Variants in SLC19A3 observed in about 807,000 individuals in gnomAD.
SLC19A3 encodes the protein thiamine transporter 2.
SLC19A3 carries 31 observed loss-of-function variants against 40.2 expected under a neutral mutation model. The ratio of observed to expected loss-of-function variants is 0.77; its 90% CI spans 0.58 to 1.04. The LOEUF (loss-of-function observed/expected upper bound fraction) is 1.04, where lower values mean the gene tolerates loss of function less well. SLC19A3 is among the 50% of genes least tolerant of loss of function. SLC19A3 has a pLI of 0.00. For synonymous variants in SLC19A3, 212 were observed against 227.5 expected, an observed-to-expected ratio of 0.93 and a Z score of 0.61; for missense variants, 592 against 596.7, an observed-to-expected ratio of 0.99 and a Z score of 0.08.
chr2:227,696,972 G>A (rs1398607389), intron 3 of SLC19A3, among the ~76,000 whole-genome samples: 2 of 152,120 alleles, frequency 1.3e-5, no homozygotes, highest in Non-Finnish European at 2.9e-5. Context: ...GGCTGAGGCA[G>A]GAGAATCACT....
chr2:227,695,677 T>C, intron 4 of SLC19A3: 2 of 576,246 alleles, frequency 3.5e-6, no homozygotes. Flanking sequence ...CTACAGAGTT[T>C]TTTCCCTTGA....
intron 4 of SLC19A3, among the ~76,000 whole-genome samples, chr2:227,695,300 C>T (rs1695382128): frequency 6.6e-6 from 1 of 152,038 alleles, no homozygotes; most frequent in Non-Finnish European, 1.5e-5. Context: ...TGGAAATAAA[C>T]AAATCAAATC....
intron 1 of SLC19A3, among the ~76,000 whole-genome samples, chr2:227,705,755 T>C (rs1231712975): frequency 6.6e-6 from 1 of 152,092 alleles, no homozygotes; most frequent in Non-Finnish European, 1.5e-5. Flanking sequence ...GGCTAATGGA[T>C]GCTTGGCTTA....
chr2:227,713,613 G>A (rs963655181), intron 1 of SLC19A3, among the ~76,000 whole-genome samples: 13 of 151,938 alleles, frequency 8.6e-5, no homozygotes, highest in African/African-American at 2.9e-4. Flanking sequence ...TGATACCTGC[G>A]CCACCTTGGG....
chr2:227,695,763 A>T, intron 4 of SLC19A3, 126 bp downstream of exon 4: 1 of 910,590 alleles, frequency 1.1e-6, no homozygotes, highest in Non-Finnish European at 1.7e-6. Context: ...TGTCTAATTT[A>T]ATATAAAGCA....
At chr2:227,695,380 A>T (rs535115962) in intron 4 of SLC19A3, 12 of 158,722 alleles carry the variant, frequency 7.6e-5, no homozygotes, top group Non-Finnish European at 1.4e-4. Flanking sequence ...GGGCAGGTGG[A>T]TCGCTTGAGC....
At chr2:227,713,177 G>T (rs1391128077) in intron 1 of SLC19A3, among the ~76,000 whole-genome samples, 2 of 152,118 alleles carry the variant, frequency 1.3e-5, no homozygotes, top group African/African-American at 4.8e-5. Flanking sequence ...GGCTGAGGCA[G>T]GATTGCTTGA....
At chr2:227,710,645 C>T (rs994637195) in intron 1 of SLC19A3, among the ~76,000 whole-genome samples, 10 of 152,230 alleles carry the variant, frequency 6.6e-5, no homozygotes, top group African/African-American at 2.4e-4. Context: ...TCTTCAGCTC[C>T]TTCCCCCCCA....
In SLC19A3 at chr2:227,717,456, A is replaced by G. The variant is rs1019319781; in HGVS notation, c.-3+487T>C. ...TGATGACTTAGGTATCCTTTCCAGCAGTGTTTTTGTAAGGTGTAGTTGCGT... is the reference window on the plus strand; with the variant it reads ...TGATGACTTAGGTATCCTTTCCAGCGGTGTTTTTGTAAGGTGTAGTTGCGT... On this transcript the variant is annotated intron_variant, in intron 1 of 5. Transcript: ENST00000644224. Among the ~76,000 whole-genome samples the G allele has an allele frequency of 3.9e-5, 6 of 152,316 alleles. No individual in the cohort carries two copies. In the South Asian group the frequency reaches 1.2e-3, roughly 32 times the overall value.
rs376305641 is a variant in SLC19A3 at position 227,696,037 on chromosome 2, C to T, written c.1024G>A (p.Asp342Asn). Reference sequence around the variant, plus strand: ...ACCAGAGCCAGCTCTCCCAGAAGGTCCCAGTTGACTTTCACATAACCCACT... The same window carrying T: ...ACCAGAGCCAGCTCTCCCAGAAGGTTCCAGTTGACTTTCACATAACCCACT... ...FAVGYVKVNW[D>N]LLGELALVVF... The change falls in exon 4 of 6, where the codon GAC becomes AAC. Residue 342 changes from aspartate to asparagine, a missense_variant. By Grantham distance (23) the Asp-to-Asn change is conservative. Coordinates refer to ENST00000644224, the MANE Select transcript of SLC19A3 (RefSeq NM_025243.4). 5.6e-6 allele frequency: 9 copies of T among 1,614,068 alleles called. No homozygotes were observed. The African/African-American group carries it at 1.2e-4, about 22-fold the overall frequency.
rs138363524 is a variant in SLC19A3 at position 227,699,316 on chromosome 2, G to C, written c.399C>G (p.Pro133=). Residue 133 remains proline, a synonymous_variant, in exon 3 of 6, where the codon CCC becomes CCG. Coordinates refer to ENST00000644224, the MANE Select transcript of SLC19A3 (RefSeq NM_025243.4). ...YYAYIYSVVS[P]EHYQRVSGYC... is the part of the protein sequence containing the mutation. ...AGCCGCTCACTCTCTGGTAGTGCTC[G>C]GGGCTGACCACGCTGTATATGTAGG... The C allele has an allele frequency of 7.5e-4, 1,217 of 1,614,040 alleles. No individual in the cohort carries two copies. Among genetic ancestry groups the C allele is most frequent in the Non-Finnish European group, 9.6e-4 (1,127 of 1,180,034 alleles).
Position 227,688,794 on chromosome 2 carries a change from A to G in SLC19A3, c.1173-487T>C, listed in dbSNP as rs1049552237. 2.6e-5 allele frequency among the ~76,000 whole-genome samples: 4 copies of G among 152,178 alleles called. No homozygotes were observed. The South Asian group carries it at 8.3e-4, about 32-fold the overall frequency. On this transcript the variant is annotated intron_variant, in intron 4 of 5. Coordinates refer to ENST00000644224, the MANE Select transcript of SLC19A3 (RefSeq NM_025243.4). Reference sequence around the variant, plus strand: ...AAACAAACTAAATAAGGCACCAGGGACCAATCCTGGAGAAACATATACGAC... The same window carrying G: ...AAACAAACTAAATAAGGCACCAGGGGCCAATCCTGGAGAAACATATACGAC...
intron 4 of SLC19A3, among the ~76,000 whole-genome samples, chr2:227,688,530 A>G (rs1695106585): frequency 6.6e-6 from 1 of 152,100 alleles, no homozygotes; most frequent in African/African-American, 2.4e-5. Flanking sequence ...AAGACCACCA[A>G]AGCAGTAGCT....
chr2:227,709,188 T>C (rs1696054148), intron 1 of SLC19A3, among the ~76,000 whole-genome samples: 1 of 152,102 alleles, frequency 6.6e-6, no homozygotes, highest in Non-Finnish European at 1.5e-5. Flanking sequence ...AAGCAAGAAC[T>C]GCAGAAACTG....
intron 2 of SLC19A3, chr2:227,701,228 C>G: frequency 1.9e-6 from 1 of 522,180 alleles, no homozygotes; most frequent in South Asian, 2.0e-5. Flanking sequence ...CGAAGCCACA[C>G]ACTTTACACA....
chr2:227,703,708 C>A lies in SLC19A3; in HGVS notation c.-2-1388G>T, dbSNP rs1477223467. 2.0e-5 allele frequency among the ~76,000 whole-genome samples: 3 copies of A among 152,136 alleles called. No homozygotes were observed. The highest frequency in any genetic ancestry group is 4.4e-5 in the Non-Finnish European group (3 of 68,044). ...TAATGATCTTATAGAAATGGCTGTC[C>A]TGGACAGGTGATCACTGAGGCTTGG... On this transcript the variant is annotated intron_variant, in intron 1 of 5. Transcript: ENST00000644224. The surrounding 1 kb of genome is among the most constrained non-coding windows in gnomAD (Gnocchi z 4.7).
At chr2:227,717,823 G>T in intron 1 of SLC19A3, 120 bp downstream of exon 1, 1 of 783,454 alleles carries the variant, frequency 1.3e-6, no homozygotes, top group Non-Finnish European at 1.5e-6. Flanking sequence ...GTGTAGCCCA[G>T]GCCCGCAGAG....
rs1254385341 is a variant in SLC19A3, at chr2:227,699,253, C to T, written c.462G>A (p.Gly154=). 6.2e-7 allele frequency: 1 copy of T among 1,614,098 alleles called. No homozygotes were observed. The highest frequency in any genetic ancestry group is 1.3e-5 in the African/African-American group (1 of 75,046). Residue 154 remains glycine, a synonymous_variant, in exon 3 of 6, where the codon GGG becomes GGA. Transcript: ENST00000644224. The part of the protein sequence containing the change: ...RSVTLAAYTA[G]SVLAQLLVSL... The stretch of plus-strand genomic sequence containing the variant: ...ATACCAAGAGTTGAGCCAGCACCGA[C>T]CCTGCTGTGTAGGCGGCCAGCGTGA...
chr2:227,702,208 T>C lies in SLC19A3; in HGVS notation c.111A>G (p.Pro37=). Residue 37 remains proline, a synonymous_variant, in exon 2 of 6, where the codon CCA becomes CCG. Coordinates refer to ENST00000644224, the MANE Select transcript of SLC19A3 (RefSeq NM_025243.4). ...GGTTTTTATCTGGTCCAGATAAATA[T>C]GGGATAAGGAATGGTTCTGAGGGTC... The part of the protein sequence containing the change: ...MMRPSEPFLI[P]YLSGPDKNLT... The C allele has an allele frequency of 6.2e-7, 1 of 1,613,802 alleles. No homozygotes were observed. Among genetic ancestry groups the C allele is most frequent in the Non-Finnish European group, 8.5e-7 (1 of 1,179,798 alleles).
Sources: allele counts gnomAD v4.1 joint callset (sites outside exome capture counted in the v4.1 genomes callset), GRCh38; gene constraint gnomAD v4.1.1; non-coding constraint Gnocchi (gnomAD v3.1); transcripts MANE v1.5; gene names NCBI Gene and HGNC (gene_info 2026-07-23, HGNC 2026-07-21).